SEZ6L: variants seen among roughly 807,000 people sequenced by gnomAD.
The protein encoded by SEZ6L is seizure 6-like protein.
In SEZ6L, 37 loss-of-function variants were observed where a neutral mutation model predicts 106.2. The ratio of observed to expected loss-of-function variants is 0.35; its 90% confidence interval spans 0.27 to 0.46. The LOEUF (loss-of-function observed/expected upper bound fraction) is 0.46. SEZ6L is among the 20% of genes least tolerant of loss of function. SEZ6L has a pLI of 1.00. For synonymous variants in SEZ6L, 541 were observed against 570.4 expected (o/e 0.95, Z 0.73); for missense variants, 1,172 against 1,332.8 (o/e 0.88, Z 1.88).
intron 1 of SEZ6L, among the ~76,000 whole-genome samples, chr22:26,234,859 C>T (rs917601077): frequency 2.6e-5 from 4 of 152,282 alleles, no homozygotes; most frequent in African/African-American, 4.8e-5. Context: ...GAAATGACCT[C>T]GGGTATCAGG....
chr22:26,315,032 G>A (rs1387829499), intron 9 of SEZ6L, among the ~76,000 whole-genome samples: 3 of 152,258 alleles, frequency 2.0e-5, no homozygotes, highest in Non-Finnish European at 4.4e-5. Context: ...TGGCAGACGG[G>A]AGGGTGGTTG....
At chr22:26,370,085 G>A (rs759247605) in intron 13 of SEZ6L, among the ~76,000 whole-genome samples, 1 of 150,988 alleles carries the variant, frequency 6.6e-6, no homozygotes, top group Non-Finnish European at 1.5e-5. Flanking sequence ...AGCAGGATTT[G>A]TTTTTTAAGA....
rs1466004647 is a variant in SEZ6L at position 26,311,872 on chromosome 22, C to A, written c.1786C>A (p.Pro596Thr). 1 of 1,614,146 alleles carries A rather than the reference C, an allele frequency of 6.2e-7. No individual in the cohort carries two copies. Among genetic ancestry groups the A allele is most frequent in the East Asian group, 2.2e-5 (1 of 44,874 alleles). Reference sequence around the variant, plus strand: ...GACTATAGTGGAGTTCACCTGCGACCCCGGCCACTCCCTGGAGCAGGGCCC... The same window carrying A: ...GACTATAGTGGAGTTCACCTGCGACACCGGCCACTCCCTGGAGCAGGGCCC... ...IGTIVEFTCD[P>T]GHSLEQGPAI... is the part of the protein sequence containing the mutation. Residue 596 changes from proline to threonine, a missense_variant, in exon 8 of 17, where the codon CCC becomes ACC. Transcript: ENST00000248933.
intron 1 of SEZ6L, among the ~76,000 whole-genome samples, chr22:26,276,266 G>C (rs1310022672): frequency 6.6e-6 from 1 of 152,202 alleles, no homozygotes; most frequent in Non-Finnish European, 1.5e-5. Flanking sequence ...AAAGATCACT[G>C]TCCAAACTTT....
At chr22:26,181,517 C>T (rs535792165) in intron 1 of SEZ6L, among the ~76,000 whole-genome samples, 78 of 152,286 alleles carry the variant, frequency 5.1e-4, no homozygotes, top group African/African-American at 1.9e-3. Context: ...CATACTTTAA[C>T]TTCAGTTGGG....
chr22:26,231,106 G>T lies in SEZ6L; in HGVS notation c.95-61300G>T, dbSNP rs1367134398. On this transcript the variant is annotated intron_variant, in intron 1 of 16. Transcript: ENST00000248933. ...CAATGCACAGCAGCAGGCGCAAGAG[G>T]TATTGCTCCCTGTGGAGCCCGGCTA... 7.2e-5 allele frequency among the ~76,000 whole-genome samples: 11 copies of T among 152,230 alleles called. No individual in the cohort carries two copies. The East Asian group carries it at 2.1e-3, about 29-fold the overall frequency.
Position 26,258,631 on chromosome 22 carries a change from C to T in SEZ6L, c.95-33775C>T, listed in dbSNP as rs1259045462. Among the ~76,000 whole-genome samples the T allele has an allele frequency of 2.0e-5, 3 of 152,134 alleles. No individual in the cohort carries two copies. The East Asian group carries it at 5.8e-4, about 29-fold the overall frequency. ...GTACAATGATATTACATACAGCTAG[C>T]AAATTGCAGTATTTATTGCAGTCTG... is the stretch of plus-strand genomic sequence containing the variant. On this transcript the variant is annotated intron_variant, in intron 1 of 16. Coordinates refer to ENST00000248933, the MANE Select transcript of SEZ6L (RefSeq NM_021115.5).
At chr22:26,360,242 G>T (rs1411158963) in intron 12 of SEZ6L, among the ~76,000 whole-genome samples, 1 of 152,144 alleles carries the variant, frequency 6.6e-6, no homozygotes, top group Non-Finnish European at 1.5e-5. Context: ...CACTTAGCCT[G>T]GGGGTCCTGC....
At chr22:26,229,464 A>G (rs62224251) in intron 1 of SEZ6L, among the ~76,000 whole-genome samples, 1 of 152,172 alleles carries the variant, frequency 6.6e-6, no homozygotes, top group Non-Finnish European at 1.5e-5. Flanking sequence ...ATGCATAACA[A>G]TCTCTCAGGC....
rs368434125 is a variant in SEZ6L at position 26,294,275 on chromosome 22, A to G, written c.836-17A>G. The G allele has an allele frequency of 1.2e-6, 2 of 1,613,264 alleles. No homozygotes were observed. The highest frequency in any genetic ancestry group is 2.7e-5 in the African/African-American group (2 of 74,998). ...CCAAGTTGTCTTTGGTGTCCTAATT[A>G]AAGTCCTTCCTTCCAGCTCTCTGCA... is the stretch of plus-strand genomic sequence containing the variant. On this transcript the variant is annotated splice_polypyrimidine_tract_variant and intron_variant, in intron 2 of 16. Transcript: ENST00000248933.
intron 9 of SEZ6L, among the ~76,000 whole-genome samples, chr22:26,336,107 C>T (rs913510703): frequency 5.9e-5 from 9 of 152,138 alleles, no homozygotes; most frequent in African/African-American, 1.9e-4. Context: ...CTGTCTAAGC[C>T]GTGCAATACT....
At chr22:26,214,964 T>C (rs2078259318) in intron 1 of SEZ6L, among the ~76,000 whole-genome samples, 1 of 152,168 alleles carries the variant, frequency 6.6e-6, no homozygotes, top group Non-Finnish European at 1.5e-5. Context: ...TGTGATTTAG[T>C]ACGTATTCAT....
At chr22:26,236,771 G>A (rs1189065136) in intron 1 of SEZ6L, among the ~76,000 whole-genome samples, 1 of 152,178 alleles carries the variant, frequency 6.6e-6, no homozygotes, top group Non-Finnish European at 1.5e-5. Flanking sequence ...GGTTTTTCTG[G>A]CTTAAAATCA....
rs750551540 is a variant in SEZ6L, at chr22:26,340,577, G to A, written c.2157G>A (p.Ser719=). ...CAGACTTAACCATCCAGTTCCATTC[G>A]GACCCTGCTGGCCTCATCTTTGGAA... ...STPDLTIQFH[S]DPAGLIFGKG... The change falls in exon 10 of 17, where the codon TCG becomes TCA. Residue 719 remains serine, a synonymous_variant. Coordinates refer to ENST00000248933, the MANE Select transcript of SEZ6L (RefSeq NM_021115.5). 3.1e-5 allele frequency: 50 copies of A among 1,613,990 alleles called. No individual in the cohort carries two copies. The highest frequency in any genetic ancestry group is 1.4e-4 in the South Asian group (13 of 91,076).
intron 1 of SEZ6L, among the ~76,000 whole-genome samples, chr22:26,265,203 A>T (rs2080137070): frequency 6.6e-6 from 1 of 152,130 alleles, no homozygotes; most frequent in African/African-American, 2.4e-5. Context: ...TAGCTGGGGC[A>T]AGTTTCCTTA....
At chr22:26,198,018 A>G (rs1940690770) in intron 1 of SEZ6L, among the ~76,000 whole-genome samples, 1 of 152,238 alleles carries the variant, frequency 6.6e-6, no homozygotes, top group Non-Finnish European at 1.5e-5. Context: ...AGATTTGACC[A>G]AACTTATAGA....
At position 26,316,974 on chromosome 22, in the gene SEZ6L, G is replaced by A. The variant is rs117617694; in HGVS notation, c.2015+3072G>A. Among the ~76,000 whole-genome samples, 398 of 151,266 alleles carry A rather than the reference G, an allele frequency of 2.6e-3. 9 individuals carry two copies. The East Asian group carries it at 0.062, about 24-fold the overall frequency. ...GAAGAAAGAAGGAGGGAGGGAGGGA[G>A]GACAGGACAGGAAAGGAAGAAGAAT... On this transcript the variant is annotated intron_variant, in intron 9 of 16. Coordinates refer to ENST00000248933, the MANE Select transcript of SEZ6L (RefSeq NM_021115.5).
At position 26,294,394 on chromosome 22, in the gene SEZ6L, C is replaced by G; in HGVS notation, c.938C>G (p.Thr313Arg). 6.2e-7 allele frequency: 1 copy of G among 1,614,072 alleles called. No individual in the cohort carries two copies. Among genetic ancestry groups the G allele is most frequent in the Non-Finnish European group, 8.5e-7 (1 of 1,179,990 alleles). The change falls in exon 3 of 17, where the codon ACA becomes AGA. Residue 313 changes from threonine (T) to arginine (R), a missense_variant. Around this residue, in one of 4 missense-constraint regions of SEZ6L, gnomAD observed 494 missense variants for 445.8 expected, o/e 1.11. Coordinates refer to ENST00000248933, the MANE Select transcript of SEZ6L (RefSeq NM_021115.5). ...NNFLECTYNV[T>R]VYTGYGVELQ... ...TTTCTGGAGTGCACATACAACGTGA[C>G]AGTCTACACTGGCTATGGGGTGGAG...
chr22:26,208,366 T>G (rs1941396527), intron 1 of SEZ6L, among the ~76,000 whole-genome samples: 1 of 152,252 alleles, frequency 6.6e-6, no homozygotes, highest in African/African-American at 2.4e-5. Flanking sequence ...GAATTTCCTT[T>G]AGCTTTTCTG....
Sources: allele counts gnomAD v4.1 joint callset (sites outside exome capture counted in the v4.1 genomes callset), GRCh38; gene constraint gnomAD v4.1.1; regional missense constraint gnomAD v4.1.1; transcripts MANE v1.5; gene names NCBI Gene and HGNC (gene_info 2026-07-23, HGNC 2026-07-21).